The following CEP350 variants were observed in gnomAD, a reference collection of about 807,000 sequenced individuals.
CEP350 encodes the protein centrosome-associated protein 350.
CEP350 carries 126 observed loss-of-function variants against 331.8 expected under a neutral mutation model. The ratio of observed to expected loss-of-function variants is 0.38; its 90% CI spans 0.33 to 0.44. The LOEUF (loss-of-function observed/expected upper bound fraction) is 0.44. CEP350 is among the 20% of genes least tolerant of loss of function. The probability of loss-of-function intolerance (pLI) is 1.00; values close to 1 mark genes in which losing one functional copy is unlikely to be tolerated. For synonymous variants in CEP350, 1,200 were observed against 1,259.5 expected (o/e 0.95, Z 1.00); for missense variants, 3,406 against 3,634.6 (o/e 0.94, Z 1.62).
chr1:180,102,763 C>T (rs1028870267), intron 37 of CEP350, among the ~76,000 whole-genome samples: 5 of 152,280 alleles, frequency 3.3e-5, no homozygotes. Flanking sequence ...GTCTTTATTT[C>T]AGCTCTTACT....
chr1:180,065,155 C>T lies in CEP350; in HGVS notation c.5450C>T (p.Thr1817Ile), dbSNP rs758034975. ...SDDDTKDNKA[T>I]SPGPTDLETR... Reference sequence around the variant, plus strand: ...GATGATACAAAGGATAATAAGGCAACCAGTCCTGGTCCAACTGACTTGGAG... The same window carrying T: ...GATGATACAAAGGATAATAAGGCAATCAGTCCTGGTCCAACTGACTTGGAG... The change falls in exon 27 of 38, where the codon ACC (threonine) becomes ATC (isoleucine). Residue 1817 changes from threonine (T) to isoleucine (I), a missense_variant. This residue lies in a region of CEP350 where 1,415 missense variants were observed against 1,512.3 expected (regional missense o/e 0.94). Coordinates refer to ENST00000367607, the MANE Select transcript of CEP350 (RefSeq NM_014810.5). 8.1e-6 allele frequency: 13 copies of T among 1,612,518 alleles called. No homozygotes were observed. Among genetic ancestry groups the T allele is most frequent in the Non-Finnish European group, 1.1e-5 (13 of 1,179,462 alleles).
At position 180,093,164 on chromosome 1, in the gene CEP350, A is replaced by G. The variant is rs1160617542; in HGVS notation, c.7059A>G (p.Gln2353=). 6.3e-7 allele frequency: 1 copy of G among 1,597,916 alleles called. No homozygotes were observed. Among genetic ancestry groups the G allele is most frequent in the Non-Finnish European group, 8.5e-7 (1 of 1,171,240 alleles). ...AATCAGGAAAAGACATTCACGAACA[A>G]AAGAACACAAAGGAAAAAGATTTGT... The part of the protein sequence containing the change: ...NIQSGKDIHE[Q]KNTKEKDLSW... Residue 2353 remains glutamine (Q), a synonymous_variant, in exon 34 of 38, where the codon CAA becomes CAG. Coordinates refer to ENST00000367607, the MANE Select transcript of CEP350 (RefSeq NM_014810.5).
rs1190693949 is a variant in CEP350, at chr1:180,020,531, T to C, written c.2757T>C (p.Phe919=). The change falls in exon 12 of 38, where the codon TTT becomes TTC. Residue 919 remains phenylalanine, a synonymous_variant. Transcript: ENST00000367607. ...DLPGVGNLSE[F]KKLPEMIRPQ... ...CTGGTGTAGGCAATCTTAGTGAATT[T>C]AAAAAGCTTCCTGAGATGATAAGAC... 2.5e-6 allele frequency: 4 copies of C among 1,613,870 alleles called. No homozygotes were observed. Among genetic ancestry groups the C allele is most frequent in the Non-Finnish European group, 2.5e-6 (3 of 1,179,896 alleles).
chr1:179,963,342 G>C (rs1026546735), intron 1 of CEP350, among the ~76,000 whole-genome samples: 1 of 151,902 alleles, frequency 6.6e-6, no homozygotes, highest in Non-Finnish European at 1.5e-5. Flanking sequence ...TTTTTGTTTT[G>C]TTGCATTTGC....
chr1:179,991,442 A>G (rs1571830156), intron 4 of CEP350, among the ~76,000 whole-genome samples: 2 of 146,970 alleles, frequency 1.4e-5, no homozygotes, highest in African/African-American at 5.0e-5. Flanking sequence ...TAGCCGCGCC[A>G]CCGGGCCTTT....
intron 32 of CEP350, among the ~76,000 whole-genome samples, chr1:180,089,341 T>C (rs1050990699): frequency 6.6e-6 from 1 of 152,082 alleles, no homozygotes; most frequent in Non-Finnish European, 1.5e-5. Flanking sequence ...ATCCCATCAC[T>C]TTGGGAGACT....
intron 14 of CEP350, among the ~76,000 whole-genome samples, chr1:180,025,963 G>C (rs893722023): frequency 1.3e-5 from 2 of 152,012 alleles, no homozygotes; most frequent in African/African-American, 2.4e-5. Flanking sequence ...AAGTCTTCAG[G>C]GGGTGGAAGG....
intron 25 of CEP350, among the ~76,000 whole-genome samples, chr1:180,055,875 T>G (rs983814317): frequency 2.0e-5 from 3 of 152,170 alleles, no homozygotes; most frequent in Admixed American, 2.0e-4. Flanking sequence ...ATAAGTTGTG[T>G]CTTTTTAATC....
chr1:179,970,311 A>G (rs1651349781), intron 1 of CEP350, among the ~76,000 whole-genome samples: 1 of 152,238 alleles, frequency 6.6e-6, no homozygotes, highest in African/African-American at 2.4e-5. Context: ...TTTATATTTT[A>G]TAAGTAGAAA....
At position 179,966,585 on chromosome 1, in the gene CEP350, A is replaced by G. The variant is rs193178548; in HGVS notation, c.-14+11443A>G. Among the ~76,000 whole-genome samples, 24 of 152,300 alleles carry G rather than the reference A, an allele frequency of 1.6e-4. No homozygotes were observed. The East Asian group carries it at 4.4e-3, about 28-fold the overall frequency. On this transcript the variant is annotated intron_variant, in intron 1 of 37. Coordinates refer to ENST00000367607, the MANE Select transcript of CEP350 (RefSeq NM_014810.5). ...CTAAGCATGCAAGAAAAATAAACAA[A>G]GGGGGCTAGAACACAAAAATCTATG... is the stretch of plus-strand genomic sequence containing the variant.
rs566775719 is a variant in CEP350 at position 180,070,842 on chromosome 1, A to C, written c.5568-4180A>C. 1.2e-4 allele frequency among the ~76,000 whole-genome samples: 19 copies of C among 152,308 alleles called. 1 individual carries two copies. In the South Asian group the frequency reaches 3.3e-3, roughly 27 times the overall value. On this transcript the variant is annotated intron_variant, in intron 27 of 37. Coordinates refer to ENST00000367607, the MANE Select transcript of CEP350 (RefSeq NM_014810.5). ...CTGTACAGAGCAAGTTCAGAGTGTG[A>C]AAGTGTGACTTTAAAAGTGAATTAA...
rs147648942 is a variant in CEP350 at position 180,044,841 on chromosome 1, A to T, written c.4622+668A>T. Among the ~76,000 whole-genome samples, 1,015 of 151,042 alleles carry T rather than the reference A, an allele frequency of 6.7e-3. 4 individuals carry two copies. Among genetic ancestry groups the T allele is most frequent in the South Asian group, 9.2e-3 (44 of 4,796 alleles). On this transcript the variant is annotated intron_variant, in intron 21 of 37. Coordinates refer to ENST00000367607, the MANE Select transcript of CEP350 (RefSeq NM_014810.5). ...TTAAAGTATAATAATAATAAAATTT[A>T]AAAAAAAAGAATAATTAAACATAAC... is the stretch of plus-strand genomic sequence containing the variant.
rs1489724864 is a variant in CEP350 at position 179,999,156 on chromosome 1, A to G, written c.1018+1981A>G. On this transcript the variant is annotated intron_variant, in intron 6 of 37. Coordinates refer to ENST00000367607, the MANE Select transcript of CEP350 (RefSeq NM_014810.5). Reference sequence around the variant, plus strand: ...TACATATTTAAGTTTTGTTCTTTGTACAAGTCAAAGTTCTGAAATACCAAT... The same window carrying G: ...TACATATTTAAGTTTTGTTCTTTGTGCAAGTCAAAGTTCTGAAATACCAAT... 6.6e-5 allele frequency among the ~76,000 whole-genome samples: 10 copies of G among 152,258 alleles called. No individual in the cohort carries two copies. In the East Asian group the frequency reaches 1.9e-3, roughly 29 times the overall value.
intron 37 of CEP350, among the ~76,000 whole-genome samples, chr1:180,106,971 G>A (rs1004557349): frequency 2.0e-5 from 3 of 151,886 alleles, no homozygotes; most frequent in African/African-American, 7.3e-5. Context: ...ATTGTTCCAG[G>A]CTACCACCAC....
intron 21 of CEP350, 83 bp from the exon 22 acceptor site, chr1:180,048,453 A>T: frequency 7.0e-6 from 6 of 859,734 alleles, no homozygotes; most frequent in Non-Finnish European, 1.1e-5. Context: ...AAGTACAGTC[A>T]TTTGGCCAAA....
rs56355350 is a variant in CEP350 at position 179,998,009 on chromosome 1, CTT to C, written c.1018+846_1018+847del. Among the ~76,000 whole-genome samples the C allele has an allele frequency of 8.5e-3, 1,244 of 146,962 alleles. 6 individuals are homozygous for C. Among genetic ancestry groups the C allele is most frequent in the Non-Finnish European group, 9.5e-3 (630 of 66,586 alleles). The stretch of plus-strand genomic sequence containing the variant: ...TTTCATTAGAAAGTGCTCTTTAGAG[CTT>C]TTTTTTTTTTTAAAGCCAACTCAAG... On this transcript the variant is annotated intron_variant, in intron 6 of 37. Transcript: ENST00000367607.
rs1295883194 is a variant in CEP350 at position 179,997,084 on chromosome 1, TGAC to T, written c.928_930del (p.Asp310del). On this transcript the variant is annotated inframe_deletion, in exon 6 of 38. Transcript: ENST00000367607. ...GCCGGGGCCAGAAGCTGGGTCATAT[TGAC>T]CATCCAGTAATGGTTGTTAATGTTG... 6.2e-7 allele frequency: 1 copy of T among 1,614,056 alleles called. No homozygotes were observed. The highest frequency in any genetic ancestry group is 1.7e-5 in the Admixed American group (1 of 60,032).
intron 27 of CEP350, among the ~76,000 whole-genome samples, chr1:180,069,816 C>T (rs1016199628): frequency 2.6e-5 from 4 of 151,998 alleles, no homozygotes; most frequent in African/African-American, 9.7e-5. Context: ...TTAATTATAA[C>T]AGTAATAGAA....
At chr1:180,010,816 C>T (rs937637021) in intron 8 of CEP350, among the ~76,000 whole-genome samples, 20 of 151,922 alleles carry the variant, frequency 1.3e-4, no homozygotes, top group African/African-American at 4.8e-4. Flanking sequence ...TGCTATGTTT[C>T]CCAAGCTGGA....
Sources: allele counts gnomAD v4.1 joint callset (sites outside exome capture counted in the v4.1 genomes callset), GRCh38; gene constraint gnomAD v4.1.1; regional missense constraint gnomAD v4.1.1; transcripts MANE v1.5; gene names NCBI Gene and HGNC (gene_info 2026-07-23, HGNC 2026-07-21).